The following MYLK variants were observed in gnomAD, a reference collection of about 807,000 sequenced individuals.
MYLK encodes the protein myosin light chain kinase, also known as myosin light chain kinase, smooth muscle.
MYLK carries 106 observed loss-of-function variants against 203.4 expected under a neutral mutation model. The ratio of observed to expected loss-of-function variants is 0.52; its 90% confidence interval spans 0.45 to 0.61. MYLK has a LOEUF of 0.61. MYLK is among the 20% of genes least tolerant of loss of function. The probability of loss-of-function intolerance (pLI) is 0.00; values close to 1 mark genes in which losing one functional copy is unlikely to be tolerated. For synonymous variants in MYLK, 867 were observed against 959.5 expected (o/e 0.90, Z 1.78); for missense variants, 2,072 against 2,442.3 (o/e 0.85, Z 3.20).
intron 7 of MYLK, 102 bp from the exon 8 acceptor site, chr3:123,737,645 G>A (rs2062724822): frequency 6.8e-7 from 1 of 1,469,554 alleles, no homozygotes; most frequent in Non-Finnish European, 9.4e-7. Flanking sequence ...TCCAGGGCCT[G>A]GGCAGCAGCG....
intron 3 of MYLK, among the ~76,000 whole-genome samples, chr3:123,816,370 C>T (rs916134658): frequency 5.3e-5 from 8 of 152,238 alleles, no homozygotes; most frequent in Non-Finnish European, 7.3e-5. Flanking sequence ...CAACACTTGT[C>T]TCAGAGGTCA....
chr3:123,735,740 G>T, intron 8 of MYLK: 2 of 359,098 alleles, frequency 5.6e-6, no homozygotes, highest in South Asian at 3.9e-5. Context: ...AAACCCAAAT[G>T]CTGTAACTTA....
intron 4 of MYLK, among the ~76,000 whole-genome samples, chr3:123,787,811 A>G (rs544686181): frequency 2.2e-4 from 33 of 152,310 alleles, no homozygotes; most frequent in South Asian, 1.2e-3. Flanking sequence ...CCTTTCTATC[A>G]TATCTACCCC....
intron 29 of MYLK, among the ~76,000 whole-genome samples, chr3:123,635,528 C>G (rs2058610772): frequency 6.6e-6 from 1 of 152,058 alleles, no homozygotes; most frequent in African/African-American, 2.4e-5. Context: ...GGGTCCTTGC[C>G]ACACACACAC....
Position 123,733,748 on chromosome 3 carries a change from A to G in MYLK, c.1248T>C (p.Phe416=). Residue 416 remains phenylalanine, a synonymous_variant, in exon 10 of 34, where the codon TTT becomes TTC. Coordinates refer to ENST00000360304, the MANE Select transcript of MYLK (RefSeq NM_053025.4). ...EGQRDSAFPK[F]ESKPQSQEVK... ...CCTCCTGGCTTTGGGGCTTGCTCTC[A>G]AATTTGGGGAATGCTGAATCCCTCT... The G allele has an allele frequency of 3.7e-6, 6 of 1,614,174 alleles. No individual in the cohort carries two copies. Among genetic ancestry groups the G allele is most frequent in the Non-Finnish European group, 5.1e-6 (6 of 1,180,032 alleles).
intron 13 of MYLK, 104 bp from the exon 14 acceptor site, chr3:123,709,997 C>A: frequency 6.8e-7 from 1 of 1,467,132 alleles, no homozygotes; most frequent in Non-Finnish European, 9.5e-7. Flanking sequence ...GCTCAGTTCC[C>A]ACCAGAAACT....
intron 3 of MYLK, among the ~76,000 whole-genome samples, chr3:123,795,011 C>G (rs2064934487): frequency 6.6e-6 from 1 of 152,060 alleles, no homozygotes; most frequent in Non-Finnish European, 1.5e-5. Context: ...GAAGTTAAAC[C>G]CAGGCAGGCT....
intron 3 of MYLK, among the ~76,000 whole-genome samples, chr3:123,806,492 CATTG>C (rs1206582700): frequency 6.6e-6 from 1 of 152,120 alleles, no homozygotes. Context: ...ATAGTCATTA[CATTG>C]ATTGAGACTA....
chr3:123,876,642 T>C (rs2033169120), intron 1 of MYLK, 25 bp from the exon 2 acceptor site: 1 of 152,166 alleles, frequency 6.6e-6, no homozygotes. Flanking sequence ...AAAGAAATAA[T>C]AGAAACAATT....
At chr3:123,694,248 C>A (rs535000066) in intron 18 of MYLK, among the ~76,000 whole-genome samples, 1 of 152,200 alleles carries the variant, frequency 6.6e-6, no homozygotes, top group African/African-American at 2.4e-5. Context: ...TCCCCACTTC[C>A]TATACCCTTA....
intron 3 of MYLK, among the ~76,000 whole-genome samples, chr3:123,827,750 A>AGAG (rs1560269132): frequency 3.3e-5 from 3 of 90,822 alleles, no homozygotes; most frequent in African/African-American, 8.0e-5. Context: ...TATATATATA[A>AGAG]AGACTCTACC....
rs73857520 is a variant in MYLK at position 123,792,209 on chromosome 3, C to A, written c.165+1468G>T. On this transcript the variant is annotated intron_variant, in intron 4 of 33. Coordinates refer to ENST00000360304, the MANE Select transcript of MYLK (RefSeq NM_053025.4). ...TCTCTTCCTCTCCATATTTGTTTGA[C>A]TTGAGGAAGGAGTTTATGTCTCAGA... 2.9e-3 allele frequency among the ~76,000 whole-genome samples: 446 copies of A among 152,358 alleles called. 2 individuals are homozygous for A. Among genetic ancestry groups the A allele is most frequent in the African/African-American group, 0.01 (434 of 41,590 alleles).
intron 18 of MYLK, 34 bp from the exon 19 acceptor site, chr3:123,692,885 T>C (rs1348365829): frequency 6.4e-7 from 1 of 1,569,974 alleles, no homozygotes; most frequent in Non-Finnish European, 8.8e-7. Context: ...GAACCAGGTG[T>C]GGTCGTAGTA....
chr3:123,800,534 A>C (rs369438942), intron 3 of MYLK, among the ~76,000 whole-genome samples: 1 of 152,286 alleles, frequency 6.6e-6, no homozygotes, highest in Admixed American at 6.5e-5. Context: ...GACTGTGTTC[A>C]TGTTGAGCAC....
At chr3:123,787,788 AAT>A (rs1198377776) in intron 4 of MYLK, among the ~76,000 whole-genome samples, 1 of 152,176 alleles carries the variant, frequency 6.6e-6, no homozygotes, top group Non-Finnish European at 1.5e-5. Flanking sequence ...GCCATTAACA[AAT>A]ATGTTAGTCC....
At chr3:123,862,994 A>G (rs1223052562) in intron 2 of MYLK, among the ~76,000 whole-genome samples, 2 of 152,220 alleles carry the variant, frequency 1.3e-5, no homozygotes, top group Non-Finnish European at 2.9e-5. Context: ...AAGGGTTATT[A>G]TAACACAGTG....
At chr3:123,735,242 G>C (rs1452515210) in intron 9 of MYLK, 156 bp downstream of exon 9, 1 of 1,000,486 alleles carries the variant, frequency 1.0e-6, no homozygotes, top group Non-Finnish European at 1.6e-6. Flanking sequence ...ATTACAATAG[G>C]AGAACAAGAC....
chr3:123,666,379 A>C, intron 21 of MYLK, 33 bp from the exon 22 acceptor site: 1 of 1,614,116 alleles, frequency 6.2e-7, no homozygotes. Flanking sequence ...TGAGCGAGGC[A>C]GAAGGGTCTC....
intron 3 of MYLK, among the ~76,000 whole-genome samples, chr3:123,824,111 C>T (rs376769985): frequency 4.1e-5 from 6 of 147,850 alleles, no homozygotes; most frequent in East Asian, 2.0e-4. Context: ...TTTTTTGAGA[C>T]GGAGTTTCAC....
Sources: allele counts gnomAD v4.1 joint callset (sites outside exome capture counted in the v4.1 genomes callset), GRCh38; gene constraint gnomAD v4.1.1; transcripts MANE v1.5; gene names NCBI Gene and HGNC (gene_info 2026-07-23, HGNC 2026-07-21).